The following NKAIN2 variants were observed in gnomAD, a reference collection of about 807,000 sequenced individuals.
NKAIN2 encodes sodium/potassium transporting ATPase interacting 2.
NKAIN2 carries 14 observed loss-of-function variants against 32.6 expected under a neutral mutation model. The ratio of observed to expected loss-of-function variants is 0.43; its 90% CI spans 0.28 to 0.67. The LOEUF is 0.67. NKAIN2 is among the 30% of genes least tolerant of loss of function. The probability of loss-of-function intolerance (pLI) is 0.17; values close to 1 mark genes in which losing one functional copy is unlikely to be tolerated. For synonymous variants in NKAIN2, 80 were observed against 87.2 expected (o/e 0.92, Z 0.46); for missense variants, 198 against 258.3 (o/e 0.77, Z 1.60).
chr6:124,599,167 T>C (rs1782212217), intron 3 of NKAIN2, among the ~76,000 whole-genome samples: 1 of 151,944 alleles, frequency 6.6e-6, no homozygotes, highest in African/African-American at 2.4e-5. Flanking sequence ...CTTTGGTGCC[T>C]CATCAAACCC....
intron 4 of NKAIN2, among the ~76,000 whole-genome samples, chr6:124,748,302 C>T (rs981394854): frequency 4.6e-5 from 7 of 151,942 alleles, no homozygotes; most frequent in African/African-American, 1.7e-4. Context: ...GCAGTTAACA[C>T]TTGGAGGCAC....
intron 3 of NKAIN2, among the ~76,000 whole-genome samples, chr6:124,576,774 T>C (rs1392453069): frequency 6.6e-6 from 1 of 152,192 alleles, no homozygotes; most frequent in Non-Finnish European, 1.5e-5. Context: ...TTGTAGACTT[T>C]TGTATAGTGT....
chr6:124,210,741 A>AGATT (rs58390799), intron 1 of NKAIN2, among the ~76,000 whole-genome samples: 5,611 of 151,168 alleles, frequency 0.037, 347 homozygotes, highest in African/African-American at 0.13. Flanking sequence ...GTTTTTTTTC[A>AGATT]GATTGACCAC....
chr6:124,602,318 A>G (rs1440461588), intron 3 of NKAIN2, among the ~76,000 whole-genome samples: 1 of 151,984 alleles, frequency 6.6e-6, no homozygotes, highest in Non-Finnish European at 1.5e-5. Context: ...CATTTTTTAC[A>G]TGAAAGTCCC....
At chr6:124,189,611 G>A (rs1486265933) in intron 1 of NKAIN2, among the ~76,000 whole-genome samples, 4 of 152,086 alleles carry the variant, frequency 2.6e-5, no homozygotes, top group Non-Finnish European at 5.9e-5. Context: ...AAGGCAGGAG[G>A]CGGAGCTTGA....
chr6:124,177,493 C>T (rs901885866), intron 1 of NKAIN2, among the ~76,000 whole-genome samples: 4 of 152,114 alleles, frequency 2.6e-5, no homozygotes, highest in African/African-American at 7.2e-5. Context: ...GTTATGGCAT[C>T]AGTCTATTAC....
rs56396833 is a variant in NKAIN2 at position 124,286,642 on chromosome 6, TTGTGTGTGTGTGTGTGTG to T, written c.192+3515_192+3532del. Among the ~76,000 whole-genome samples, 4 of 144,590 alleles carry T rather than the reference TTGTGTGTGTGTGTGTGTG, an allele frequency of 2.8e-5. No individual in the cohort carries two copies. In the South Asian group the frequency reaches 8.9e-4, roughly 32 times the overall value. The allele number at this position is 144,590 out of a possible 152,430, so 94.9% of individuals were successfully genotyped here. On this transcript the variant is annotated intron_variant, in intron 2 of 6. Coordinates refer to ENST00000368417, the MANE Select transcript of NKAIN2 (RefSeq NM_001040214.3). Reference sequence around the variant, plus strand: ...CCATTTTTGTTTTCTGTTTGGAAAATTGTGTGTGTGTGTGTGTGTGTGTGTGTGTGTGCGCGCGCGTGT... The same window carrying T: ...CCATTTTTGTTTTCTGTTTGGAAAATTGTGTGTGTGTGTGCGCGCGCGTGT...
chr6:124,719,494 T>A (rs1388409989), intron 4 of NKAIN2, among the ~76,000 whole-genome samples: 2 of 152,190 alleles, frequency 1.3e-5, no homozygotes, highest in Non-Finnish European at 2.9e-5. Flanking sequence ...TTAGAAACAT[T>A]CTGTAGACAA....
intron 1 of NKAIN2, among the ~76,000 whole-genome samples, chr6:123,897,334 C>T (rs1774335208): frequency 6.6e-6 from 1 of 152,086 alleles, no homozygotes; most frequent in African/African-American, 2.4e-5. Context: ...ACTTATGGCT[C>T]CCTGGACACA....
intron 1 of NKAIN2, among the ~76,000 whole-genome samples, chr6:124,045,261 G>A (rs1056501725): frequency 6.6e-6 from 1 of 151,860 alleles, no homozygotes; most frequent in African/African-American, 2.4e-5. Context: ...TCTAATGTAT[G>A]ATGTTGATGC....
At chr6:124,178,873 C>G (rs1408741849) in intron 1 of NKAIN2, among the ~76,000 whole-genome samples, 1 of 152,160 alleles carries the variant, frequency 6.6e-6, no homozygotes, top group African/African-American at 2.4e-5. Context: ...AGAATAGAAA[C>G]AGTGAATTCA....
At chr6:124,675,829 T>C (rs1420989960) in intron 4 of NKAIN2, among the ~76,000 whole-genome samples, 1 of 152,018 alleles carries the variant, frequency 6.6e-6, no homozygotes, top group Non-Finnish European at 1.5e-5. Context: ...CCATTCTCTA[T>C]CTCATTTAAT....
intron 3 of NKAIN2, among the ~76,000 whole-genome samples, chr6:124,514,877 C>T (rs536993598): frequency 1.3e-5 from 2 of 151,976 alleles, no homozygotes; most frequent in Non-Finnish European, 2.9e-5. Context: ...TTTGAGACTA[C>T]TGCATCAGAA....
intron 1 of NKAIN2, among the ~76,000 whole-genome samples, chr6:124,127,662 C>G (rs1786244202): frequency 6.6e-6 from 1 of 152,144 alleles, no homozygotes; most frequent in South Asian, 2.1e-4. Context: ...AACTTCTACT[C>G]ACTCATTAAG....
chr6:124,338,426 C>A (rs1227254153), intron 2 of NKAIN2, among the ~76,000 whole-genome samples: 1 of 152,070 alleles, frequency 6.6e-6, no homozygotes, highest in Non-Finnish European at 1.5e-5. Context: ...TCATGTAATT[C>A]ATTATTCTAA....
chr6:123,943,192 G>T (rs1582819023), intron 1 of NKAIN2, among the ~76,000 whole-genome samples: 1 of 151,932 alleles, frequency 6.6e-6, no homozygotes, highest in South Asian at 2.1e-4. Flanking sequence ...AGAACCTATG[G>T]TTATCTCTGA....
At chr6:124,486,073 T>G (rs1170172543) in intron 3 of NKAIN2, among the ~76,000 whole-genome samples, 3 of 152,208 alleles carry the variant, frequency 2.0e-5, no homozygotes, top group Admixed American at 6.5e-5. Context: ...TTAGCTCCTA[T>G]CCAGTTTTCT....
chr6:124,754,507 A>T (rs528722285), intron 4 of NKAIN2, among the ~76,000 whole-genome samples: 2 of 152,018 alleles, frequency 1.3e-5, no homozygotes, highest in Non-Finnish European at 2.9e-5. Flanking sequence ...GAAAAGACGT[A>T]TATGTGGCCA....
intron 3 of NKAIN2, among the ~76,000 whole-genome samples, chr6:124,447,188 G>A (rs973253549): frequency 9.2e-5 from 14 of 151,796 alleles, no homozygotes; most frequent in African/African-American, 3.4e-4. Flanking sequence ...CTATTCATCA[G>A]TGTTTGCATA....
Sources: gnomAD v4.1 joint callset for allele counts (sites outside exome capture counted in the v4.1 genomes callset) on GRCh38, gnomAD v4.1.1 for gene constraint, MANE v1.5 for transcripts, NCBI Gene and HGNC (gene_info 2026-07-23, HGNC 2026-07-21) for gene names.